TXNRD3: variants seen among roughly 807,000 people sequenced by gnomAD.
The protein encoded by TXNRD3 is TXNRD3 neighbor gene protein.
Under a neutral mutation model 78.2 loss-of-function variants are expected in TXNRD3, and 68 were observed. That is an observed-to-expected ratio of 0.87 (90% CI 0.72 to 1.06). TXNRD3 has a LOEUF of 1.06. Ranked by LOEUF, TXNRD3 falls within the 50% of genes least tolerant of loss-of-function variation. The pLI is 0.00. For missense variants in TXNRD3, 751 were observed against 809.5 expected (o/e 0.93, Z 0.88); for synonymous variants, 296 against 300.1 (o/e 0.99, Z 0.14).
Position 126,621,755 on chromosome 3 carries a change from GC to G in TXNRD3, c.1510del (p.Ala504ProfsTer3). 1 of 1,510,942 alleles carries G rather than the reference GC, an allele frequency of 6.6e-7. No homozygotes were observed. The highest frequency in any genetic ancestry group is 8.8e-7 in the Non-Finnish European group (1 of 1,139,716). 93.6% of individuals were successfully genotyped at this position (1,510,942 alleles called of 1,614,324 possible). A position where few individuals can be genotyped will look rare whatever the true frequency, so the allele number is the denominator to read the frequency against. ...TAAGAAACTTACCTTTTCTAAAGAG[GC>G]CCCAAAAAGTCTCTGAGCTAGCAGC... is the stretch of plus-strand genomic sequence containing the variant. On this transcript the variant is annotated frameshift_variant, in exon 12 of 16. Transcript: ENST00000524230. LOFTEE classifies it high-confidence loss of function.
At chr3:126,613,532 C>A (rs1052148979) in intron 13 of TXNRD3, among the ~76,000 whole-genome samples, 2 of 152,240 alleles carry the variant, frequency 1.3e-5, no homozygotes, top group Non-Finnish European at 2.9e-5. Flanking sequence ...GATCTAAATA[C>A]ACTCACACTT....
intron 13 of TXNRD3, among the ~76,000 whole-genome samples, chr3:126,613,832 G>A (rs1430662319): frequency 2.0e-5 from 3 of 152,196 alleles, no homozygotes; most frequent in African/African-American, 7.2e-5. Flanking sequence ...TGATACTGAT[G>A]TATGTATTTA....
intron 6 of TXNRD3, among the ~76,000 whole-genome samples, chr3:126,637,273 T>A (rs899183265): frequency 6.6e-6 from 1 of 152,224 alleles, no homozygotes; most frequent in African/African-American, 2.4e-5. Flanking sequence ...GTAGTTATAC[T>A]TCTTTTCTAA....
chr3:126,615,404 C>A lies in TXNRD3; in HGVS notation c.1583G>T (p.Gly528Val). ...TTCAATAGCTTTCTCTTCAGATAAT[C>A]CACAGCAACCATACTCCAGAGGAGT... is the stretch of plus-strand genomic sequence containing the variant. The change falls in exon 13 of 16, where the codon GGA becomes GTA. Residue 528 changes from glycine to valine, a missense_variant. Transcript: ENST00000524230. 1.3e-6 allele frequency: 2 copies of A among 1,521,164 alleles called. No individual in the cohort carries two copies. The highest frequency in any genetic ancestry group is 8.8e-7 in the Non-Finnish European group (1 of 1,140,218). The allele number at this position is 1,521,164 out of a possible 1,614,324, so 94.2% of individuals were successfully genotyped here.
intron 13 of TXNRD3, among the ~76,000 whole-genome samples, chr3:126,612,531 T>A (rs938665398): frequency 7.2e-5 from 11 of 152,088 alleles, no homozygotes; most frequent in Non-Finnish European, 1.3e-4. Context: ...CAGGCTGGAG[T>A]GCAGTGGCAC....
Position 126,655,021 on chromosome 3 carries a change from C to A in TXNRD3, c.-31G>T. On this transcript the variant is annotated 5_prime_UTR_variant, in exon 1 of 16. Transcript: ENST00000524230. ...CGCTCTCGCTCCTGGCCCGGCCGGG[C>A]CTGCTCACAAACCGAAACGCAGGCG... 2.3e-6 allele frequency: 3 copies of A among 1,295,316 alleles called. No individual in the cohort carries two copies. The South Asian group carries it at 6.8e-5, about 29-fold the overall frequency. The allele number at this position is 1,295,316 out of a possible 1,614,324, so 80.2% of individuals were successfully genotyped here. A position where few individuals can be genotyped will look rare whatever the true frequency, so the allele number is the denominator to read the frequency against.
intron 1 of TXNRD3, among the ~76,000 whole-genome samples, chr3:126,647,533 C>T (rs1437947988): frequency 6.6e-6 from 1 of 152,158 alleles, no homozygotes; most frequent in Non-Finnish European, 1.5e-5. Flanking sequence ...AAATCTACAA[C>T]TTTGGCCCAA....
At chr3:126,630,368 C>T (rs1164834953) in intron 9 of TXNRD3, among the ~76,000 whole-genome samples, 1 of 152,162 alleles carries the variant, frequency 6.6e-6, no homozygotes, top group Non-Finnish European at 1.5e-5. Context: ...GAAAAATAGG[C>T]ACCCAGTCAG....
At chr3:126,646,058 C>CT in intron 3 of TXNRD3, 53 bp downstream of exon 3, 1 of 1,369,512 alleles carries the variant, frequency 7.3e-7, no homozygotes, top group Non-Finnish European at 9.6e-7. Context: ...CTTTTAAATA[C>CT]TTTTTTAAAA....
At chr3:126,645,992 T>C (rs1933220159) in intron 3 of TXNRD3, 119 bp downstream of exon 3, 1 of 713,388 alleles carries the variant, frequency 1.4e-6, no homozygotes, top group East Asian at 2.9e-5. Context: ...TTATCCTATA[T>C]GCTTCATTTT....
chr3:126,645,422 A>T (rs1245119361), intron 3 of TXNRD3, among the ~76,000 whole-genome samples: 2 of 152,218 alleles, frequency 1.3e-5, no homozygotes, highest in Non-Finnish European at 2.9e-5. Context: ...AAATTCTAGG[A>T]CTAATAAAGC....
intron 6 of TXNRD3, among the ~76,000 whole-genome samples, chr3:126,634,430 C>T (rs1253504953): frequency 6.6e-6 from 1 of 152,188 alleles, no homozygotes; most frequent in Admixed American, 6.5e-5. Flanking sequence ...GGAAGAAGGC[C>T]TCAAGTCAGT....
chr3:126,640,285 T>G, intron 6 of TXNRD3, among the ~76,000 whole-genome samples: 1 of 45,264 alleles, frequency 2.2e-5, no homozygotes, highest in South Asian at 5.2e-4. Flanking sequence ...TTTGTATTTT[T>G]TTTAGTAGAG....
intron 12 of TXNRD3, among the ~76,000 whole-genome samples, chr3:126,620,968 G>C (rs913613187): frequency 6.6e-6 from 1 of 152,040 alleles, no homozygotes; most frequent in Non-Finnish European, 1.5e-5. Flanking sequence ...TCCACCACAC[G>C]GCCACAGAGC....
intron 3 of TXNRD3, among the ~76,000 whole-genome samples, chr3:126,645,755 C>A (rs1933214014): frequency 6.6e-6 from 1 of 152,180 alleles, no homozygotes; most frequent in Admixed American, 6.5e-5. Flanking sequence ...CCAAGGTTAG[C>A]AGTCTTAACA....
At chr3:126,613,028 T>C (rs572356338) in intron 13 of TXNRD3, among the ~76,000 whole-genome samples, 8 of 152,302 alleles carry the variant, frequency 5.3e-5, no homozygotes, top group African/African-American at 1.9e-4. Flanking sequence ...TGTGATAACA[T>C]TTCATATTTA....
At chr3:126,623,017 G>C (rs1335255233) in intron 10 of TXNRD3, among the ~76,000 whole-genome samples, 1 of 152,110 alleles carries the variant, frequency 6.6e-6, no homozygotes, top group African/African-American at 2.4e-5. Context: ...TCAACACCTT[G>C]ATCTTAGACT....
intron 12 of TXNRD3, among the ~76,000 whole-genome samples, chr3:126,618,831 T>A (rs533455721): frequency 8.4e-4 from 96 of 114,034 alleles, no homozygotes; most frequent in African/African-American, 3.3e-3. Context: ...GGTGCTAATA[T>A]CCCTACACAA....
At chr3:126,650,801 C>T (rs554024733) in intron 1 of TXNRD3, among the ~76,000 whole-genome samples, 1 of 152,308 alleles carries the variant, frequency 6.6e-6, no homozygotes, top group South Asian at 2.1e-4. Flanking sequence ...TAACTAGATG[C>T]TCTTTCTTAC....
Sources: allele counts gnomAD v4.1 joint callset (sites outside exome capture counted in the v4.1 genomes callset), GRCh38; gene constraint gnomAD v4.1.1; transcripts MANE v1.5; gene names NCBI Gene and HGNC (gene_info 2026-07-23, HGNC 2026-07-21).